SLC48A1: variants seen among roughly 807,000 people sequenced by gnomAD.
SLC48A1 encodes the protein solute carrier family 48 member 1.
A neutral mutation model predicts 14.8 loss-of-function variants in SLC48A1; 6 were observed. The ratio of observed to expected loss-of-function variants is 0.41; its 90% confidence interval spans 0.22 to 0.80. SLC48A1 has a LOEUF of 0.80. SLC48A1 is among the 30% of genes least tolerant of loss of function. The pLI, the probability that SLC48A1 is intolerant of heterozygous loss-of-function variation, is 0.34. For missense variants in SLC48A1, 165 were observed against 204.8 expected (o/e 0.81, Z 1.19); for synonymous variants, 89 against 90.0 (o/e 0.99, Z 0.06).
In SLC48A1 at chr12:47,773,444, C is replaced by T. The variant is rs1466132266; in HGVS notation, c.136+4C>T. On this transcript the variant is annotated splice_donor_region_variant and intron_variant, in intron 1 of 2. Transcript: ENST00000442218. Reference sequence around the variant, plus strand: ...GCGGCCATGGGAGGGCTCGCAGGTACCCCGGGACGCTGGGCGGCGCGGGGC... The same window carrying T: ...GCGGCCATGGGAGGGCTCGCAGGTATCCCGGGACGCTGGGCGGCGCGGGGC... The T allele has an allele frequency of 2.9e-6, 4 of 1,374,594 alleles. No homozygotes were observed. Among genetic ancestry groups the T allele is most frequent in the East Asian group, 6.4e-5 (2 of 31,416 alleles). The allele number at this position is 1,374,594 out of a possible 1,614,324, so 85.1% of individuals were successfully genotyped here. A position where few individuals can be genotyped will look rare whatever the true frequency, so the allele number is the denominator to read the frequency against.
intron 2 of SLC48A1, among the ~76,000 whole-genome samples, chr12:47,761,049 T>G (rs921062981): frequency 1.3e-5 from 2 of 151,892 alleles, no homozygotes; most frequent in African/African-American, 2.4e-5. Flanking sequence ...ATACAAAAAT[T>G]AGCCAGGCGT....
At chr12:47,758,003 C>G, upstream of SLC48A1, 1 of 1,574,418 alleles carries the variant, frequency 6.4e-7, no homozygotes, top group Non-Finnish European at 8.6e-7. Context: ...AGGGCTCCCA[C>G]CCGCGGTGCT....
intron 2 of SLC48A1, among the ~76,000 whole-genome samples, chr12:47,760,649 T>C (rs1341769356): frequency 3.3e-5 from 5 of 152,206 alleles, no homozygotes; most frequent in Non-Finnish European, 5.9e-5. Context: ...CTCTTTCAAG[T>C]GCTTTCCATG....
At chr12:47,758,535 A>C (rs1592588939), upstream of SLC48A1, 1 of 1,612,988 alleles carries the variant, frequency 6.2e-7, no homozygotes, top group Non-Finnish European at 8.5e-7. Flanking sequence ...CTCAACCCTG[A>C]CCCCACCTTA....
At chr12:47,780,080 G>A (rs1942833819) in intron 2 of SLC48A1, 65 bp from the exon 3 acceptor site, 2 of 1,461,658 alleles carry the variant, frequency 1.4e-6, no homozygotes, top group Non-Finnish European at 1.8e-6. Context: ...CCCTGGCCTT[G>A]TGGCCGGTGC....
At position 47,777,719 on chromosome 12, in the gene SLC48A1, AC is replaced by A. The variant is rs1196521704; in HGVS notation, c.137-1308del. 2.0e-5 allele frequency among the ~76,000 whole-genome samples: 3 copies of A among 152,232 alleles called. No individual in the cohort carries two copies. The highest frequency in any genetic ancestry group is 4.4e-5 in the Non-Finnish European group (3 of 68,038). On this transcript the variant is annotated intron_variant, in intron 1 of 2. Coordinates refer to ENST00000442218, the MANE Select transcript of SLC48A1 (RefSeq NM_017842.3). This position sits in a 1 kb window ranked among gnomAD's most constrained non-coding sequence, Gnocchi z 4.5. ...CACACAAAAAAGGATAGATGATTTA[AC>A]AAACACCCTTATAACCCAGCCTGAG...
chr12:47,776,972 C>T (rs114466405), intron 1 of SLC48A1, among the ~76,000 whole-genome samples: 2,045 of 152,304 alleles, frequency 0.013, 55 homozygotes, highest in African/African-American at 0.046. Flanking sequence ...CCCTCTGTGG[C>T]ACGAGGAGAC....
upstream of SLC48A1, among the ~76,000 whole-genome samples, chr12:47,757,031 C>T (rs1056817598): frequency 6.6e-5 from 10 of 151,734 alleles, no homozygotes; most frequent in Admixed American, 2.0e-4. Context: ...CAGTGGGTCA[C>T]GCCTGTAATA....
chr12:47,758,146 G>A, upstream of SLC48A1: 1 of 1,509,502 alleles, frequency 6.6e-7, no homozygotes, highest in Non-Finnish European at 8.9e-7. Context: ...CAGTACAACT[G>A]CCCCAGGCAG....
exon 1 of SLC48A1, chr12:47,758,655 C>A: frequency 6.3e-7 from 1 of 1,583,736 alleles, no homozygotes; most frequent in Non-Finnish European, 8.6e-7. Flanking sequence ...CGGAGGGTGC[C>A]AGTGGGTAAG....
intron 2 of SLC48A1, among the ~76,000 whole-genome samples, chr12:47,761,617 G>T (rs1942383208): frequency 6.6e-6 from 1 of 152,364 alleles, no homozygotes; most frequent in South Asian, 2.1e-4. Flanking sequence ...CAAGGCTGAG[G>T]CCTAGAAGGG....
intron 1 of SLC48A1, chr12:47,778,647 T>C (rs1942800688): frequency 5.9e-6 from 1 of 169,960 alleles, no homozygotes; most frequent in African/African-American, 2.4e-5. Flanking sequence ...GCAAATTTTA[T>C]GTATGTGAGT....
Position 47,780,741 on chromosome 12 carries a change from GTTTTTAGTA to G in SLC48A1, c.*461_*469del. 1 of 397,114 alleles carries G rather than the reference GTTTTTAGTA, an allele frequency of 2.5e-6. No individual in the cohort carries two copies. Among genetic ancestry groups the G allele is most frequent in the Non-Finnish European group, 5.0e-6 (1 of 200,954 alleles). The allele number at this position is 397,114 out of a possible 1,614,324, so 24.6% of individuals were successfully genotyped here. ...GCCACCATGCCCGGCAAATTTTTGT[GTTTTTAGTA>G]GAGACAGGGTTTTGCCATGTTGGCC... On this transcript the variant is annotated 3_prime_UTR_variant, in exon 3 of 3. Transcript: ENST00000442218.
chr12:47,763,524 C>G (rs1942436779), intron 2 of SLC48A1, among the ~76,000 whole-genome samples: 1 of 152,162 alleles, frequency 6.6e-6, no homozygotes, highest in Non-Finnish European at 1.5e-5. Context: ...CAGGTATCCT[C>G]CTCTGGACTC....
upstream of SLC48A1, chr12:47,770,726 C>T (rs1218049073): frequency 6.9e-6 from 3 of 435,550 alleles, no homozygotes; most frequent in African/African-American, 4.1e-5. Context: ...TGAGTTTTCT[C>T]CCCCAGCCCC....
chr12:47,779,788 G>A (rs993204716), intron 2 of SLC48A1, among the ~76,000 whole-genome samples: 1 of 152,216 alleles, frequency 6.6e-6, no homozygotes, highest in Non-Finnish European at 1.5e-5. Context: ...CCTGAGCTCT[G>A]CCTCCTGTCA....
chr12:47,779,029 G>A lies in SLC48A1; in HGVS notation c.138G>A (p.Gly46=), dbSNP rs907248092. The A allele has an allele frequency of 6.4e-7, 1 of 1,551,526 alleles. No homozygotes were observed. The highest frequency in any genetic ancestry group is 2.4e-5 in the East Asian group (1 of 40,928). The change falls in exon 2 of 3, where the codon GGG becomes GGA. Residue 46 remains glycine (G), a splice_region_variant and synonymous_variant. Transcript: ENST00000442218. ...GGCCCTGATGTGTCTCTCCTGCAGG[G>A]GTGCTGGCACTGTGGGTCCTGGTGA... ...PGTAAMGGLA[G]VLALWVLVTH...
chr12:47,758,518 G>A (rs1942240838), upstream of SLC48A1: 1 of 1,610,526 alleles, frequency 6.2e-7, no homozygotes, highest in Non-Finnish European at 8.5e-7. Flanking sequence ...GCCCTCTCCT[G>A]CTCCTCCTCA....
At chr12:47,773,862 T>G (rs970660732) in intron 1 of SLC48A1, among the ~76,000 whole-genome samples, 1 of 152,116 alleles carries the variant, frequency 6.6e-6, no homozygotes, top group Non-Finnish European at 1.5e-5. Flanking sequence ...AGGGATCCCC[T>G]GCCCCCCAGG....
Sources: allele counts gnomAD v4.1 joint callset (sites outside exome capture counted in the v4.1 genomes callset), GRCh38; gene constraint gnomAD v4.1.1; non-coding constraint Gnocchi (gnomAD v3.1); transcripts MANE v1.5; gene names NCBI Gene and HGNC (gene_info 2026-07-23, HGNC 2026-07-21).